ZNRF1: variants seen among roughly 807,000 people sequenced by gnomAD.
ZNRF1 encodes E3 ubiquitin-protein ligase ZNRF1.
ZNRF1 carries 3 observed loss-of-function variants against 18.4 expected under a neutral mutation model. The ratio of observed to expected loss-of-function variants is 0.16; its 90% CI spans 0.07 to 0.42. The LOEUF (loss-of-function observed/expected upper bound fraction) is 0.42. Among genes scored for constraint, ZNRF1 ranks in the 10% least tolerant of loss-of-function variants. ZNRF1 has a pLI of 0.99. For missense variants in ZNRF1, 310 were observed against 329.8 expected (o/e 0.94, Z 0.47); for synonymous variants, 157 against 144.2 (o/e 1.09, Z -0.64).
At chr16:75,010,315 G>A (rs1365944429) in intron 1 of ZNRF1, among the ~76,000 whole-genome samples, 2 of 152,086 alleles carry the variant, frequency 1.3e-5, no homozygotes, top group African/African-American at 2.4e-5. Flanking sequence ...GTTGATTTTA[G>A]TGCAGTTTTA....
At chr16:75,061,863 T>TTTA (rs1208685266) in intron 1 of ZNRF1, among the ~76,000 whole-genome samples, 1 of 152,232 alleles carries the variant, frequency 6.6e-6, no homozygotes, top group African/African-American at 2.4e-5. Context: ...TGCGTCAGCT[T>TTTA]CTGACCTGGC....
intron 1 of ZNRF1, among the ~76,000 whole-genome samples, chr16:75,066,711 C>T (rs2035808834): frequency 6.6e-6 from 1 of 152,038 alleles, no homozygotes; most frequent in African/African-American, 2.4e-5. Flanking sequence ...ACCATGTTGA[C>T]CAGGCTGGTC....
intron 1 of ZNRF1, among the ~76,000 whole-genome samples, chr16:75,000,734 A>G (rs1480024052): frequency 6.6e-6 from 1 of 152,108 alleles, no homozygotes; most frequent in Non-Finnish European, 1.5e-5. Context: ...GGCTGTGGTC[A>G]CCCGTACTGC....
At chr16:75,077,016 T>C (rs1054893846) in intron 1 of ZNRF1, among the ~76,000 whole-genome samples, 4 of 152,094 alleles carry the variant, frequency 2.6e-5, no homozygotes, top group Admixed American at 6.5e-5. Flanking sequence ...TCTGCAGTAT[T>C]TTGTTACAGC....
intron 1 of ZNRF1, among the ~76,000 whole-genome samples, chr16:75,009,314 C>A (rs1402669238): frequency 6.6e-6 from 1 of 152,140 alleles, no homozygotes; most frequent in Non-Finnish European, 1.5e-5. Flanking sequence ...AATTTACTAT[C>A]TTAACCGTTT....
intron 1 of ZNRF1, among the ~76,000 whole-genome samples, chr16:75,005,649 A>G (rs1425291703): frequency 6.6e-6 from 1 of 152,202 alleles, no homozygotes; most frequent in African/African-American, 2.4e-5. Context: ...TGAACCCTAT[A>G]TCTACTATGT....
chr16:75,032,234 T>C (rs2035315845), intron 1 of ZNRF1, among the ~76,000 whole-genome samples: 1 of 150,814 alleles, frequency 6.6e-6, no homozygotes, highest in Non-Finnish European at 1.5e-5. Context: ...CTTAGCCTCC[T>C]GAGTAGCTGG....
chr16:75,057,000 T>C (rs998916974), intron 1 of ZNRF1, among the ~76,000 whole-genome samples: 2 of 152,210 alleles, frequency 1.3e-5, no homozygotes, highest in Non-Finnish European at 2.9e-5. Context: ...TGGCATCCTC[T>C]AGTTCAGTTT....
intron 1 of ZNRF1, among the ~76,000 whole-genome samples, chr16:75,025,203 G>T (rs2035204754): frequency 6.6e-6 from 1 of 152,056 alleles, no homozygotes; most frequent in African/African-American, 2.4e-5. Context: ...GAGTAGCTGG[G>T]ACTACAGGCG....
chr16:75,062,872 G>A (rs1232945736), intron 1 of ZNRF1, among the ~76,000 whole-genome samples: 3 of 152,206 alleles, frequency 2.0e-5, no homozygotes, highest in African/African-American at 7.2e-5. Context: ...TGTCAGTTCT[G>A]ACAATATTAT....
At chr16:75,033,554 C>G (rs1305277536) in intron 1 of ZNRF1, among the ~76,000 whole-genome samples, 1 of 151,844 alleles carries the variant, frequency 6.6e-6, no homozygotes, top group African/African-American at 2.4e-5. Context: ...ATTCTCCCAC[C>G]TCAGCCTCCA....
chr16:75,077,697 G>A (rs1010943956), intron 1 of ZNRF1, among the ~76,000 whole-genome samples: 15 of 152,104 alleles, frequency 9.9e-5, no homozygotes, highest in Non-Finnish European at 2.2e-4. Flanking sequence ...GGTCTCGCTG[G>A]GCTGAAATCA....
intron 1 of ZNRF1, among the ~76,000 whole-genome samples, chr16:75,019,313 T>G (rs376317121): frequency 6.6e-6 from 1 of 151,896 alleles, no homozygotes; most frequent in African/African-American, 2.4e-5. Context: ...GTGCTGAGAG[T>G]ACAGGTATGA....
intron 1 of ZNRF1, among the ~76,000 whole-genome samples, chr16:75,056,917 C>G (rs1203249341): frequency 1.3e-5 from 2 of 152,004 alleles, no homozygotes; most frequent in African/African-American, 4.8e-5. Flanking sequence ...GATTACAGGC[C>G]TGAGCCACTG....
intron 1 of ZNRF1, among the ~76,000 whole-genome samples, chr16:75,022,505 G>T (rs2035165370): frequency 1.3e-5 from 2 of 151,800 alleles, no homozygotes; most frequent in Admixed American, 1.3e-4. Context: ...GGCGGAGCTT[G>T]CAGTGAGCCG....
chr16:75,035,313 C>T (rs933489128), intron 1 of ZNRF1, among the ~76,000 whole-genome samples: 2 of 152,196 alleles, frequency 1.3e-5, no homozygotes, highest in Admixed American at 1.3e-4. Context: ...GAATTACAGG[C>T]GTGAGCCGCT....
chr16:75,054,031 C>A (rs2035639702), intron 1 of ZNRF1, among the ~76,000 whole-genome samples: 2 of 152,216 alleles, frequency 1.3e-5, no homozygotes, highest in Non-Finnish European at 2.9e-5. Context: ...AGGACTGATG[C>A]CATTTGAGAT....
At chr16:75,060,850 C>G (rs2035734811) in intron 1 of ZNRF1, among the ~76,000 whole-genome samples, 1 of 152,068 alleles carries the variant, frequency 6.6e-6, no homozygotes, top group South Asian at 2.1e-4. Flanking sequence ...TCTATTTCTC[C>G]CCTGTACTAT....
At position 75,048,100 on chromosome 16, in the gene ZNRF1, G is replaced by A. The variant is rs115346912; in HGVS notation, c.425-45472G>A. On this transcript the variant is annotated intron_variant, in intron 1 of 4. Transcript: ENST00000335325. ...CCCAAGTAGCTGGAACTACAGGCAC[G>A]CCGCCACGTCTGGCTGATTTTTGTA... is the stretch of plus-strand genomic sequence containing the variant. Among the ~76,000 whole-genome samples the A allele has an allele frequency of 7.9e-3, 1,209 of 152,140 alleles. 26 individuals are homozygous for A. The highest frequency in any genetic ancestry group is 0.027 in the African/African-American group (1,130 of 41,516).
Sources: gnomAD v4.1 joint callset for allele counts (sites outside exome capture counted in the v4.1 genomes callset) on GRCh38, gnomAD v4.1.1 for gene constraint, MANE v1.5 for transcripts, NCBI Gene and HGNC (gene_info 2026-07-23, HGNC 2026-07-21) for gene names.